GRM7: variants seen among roughly 807,000 people sequenced by gnomAD.
GRM7 encodes glutamate metabotropic receptor 7, also known as metabotropic glutamate receptor 7.
Under a neutral mutation model 84.5 loss-of-function variants are expected in GRM7, and 35 were observed. That is an observed-to-expected ratio of 0.41 (90% CI 0.32 to 0.55). GRM7 has a LOEUF of 0.55. Ranked by LOEUF, GRM7 falls within the 20% of genes least tolerant of loss-of-function variation. The pLI is 0.19. For synonymous variants in GRM7, 487 were observed against 455.1 expected, an observed-to-expected ratio of 1.07 and a Z score of -0.89; for missense variants, 1,003 against 1,194.6, an observed-to-expected ratio of 0.84 and a Z score of 2.36.
At chr3:7,217,666 A>G (rs568427250) in intron 2 of GRM7, among the ~76,000 whole-genome samples, 6 of 150,438 alleles carry the variant, frequency 4.0e-5, no homozygotes, top group South Asian at 2.1e-4. Context: ...TTCTGTCAGA[A>G]GGTATTTATA....
chr3:7,666,453 G>A lies in GRM7; in HGVS notation c.2452-13596G>A, dbSNP rs542816391. Among the ~76,000 whole-genome samples, 5 of 152,318 alleles carry A rather than the reference G, an allele frequency of 3.3e-5. No individual in the cohort carries two copies. The South Asian group carries it at 8.3e-4, about 25-fold the overall frequency. ...TGTCTTACATCAGACCACATAATCT[G>A]CTTTGCAGCTTCTACAAAGATCGTT... On this transcript the variant is annotated intron_variant, in intron 8 of 9. Coordinates refer to ENST00000357716, the MANE Select transcript of GRM7 (RefSeq NM_000844.4).
intron 1 of GRM7, among the ~76,000 whole-genome samples, chr3:7,022,216 A>C (rs563453990): frequency 2.0e-5 from 3 of 151,782 alleles, no homozygotes; most frequent in Non-Finnish European, 2.9e-5. Flanking sequence ...AGTCCCAGCT[A>C]CTCAGGAGCT....
chr3:7,405,321 G>A (rs1046714710), intron 4 of GRM7, among the ~76,000 whole-genome samples: 3 of 152,072 alleles, frequency 2.0e-5, no homozygotes, highest in Non-Finnish European at 2.9e-5. Context: ...TTAAGACTGA[G>A]TATTATGATT....
intron 4 of GRM7, among the ~76,000 whole-genome samples, chr3:7,318,844 G>A (rs933398159): frequency 4.6e-5 from 7 of 152,052 alleles, no homozygotes; most frequent in African/African-American, 1.4e-4. Context: ...ATTTGTCTGA[G>A]AAAATTACTT....
intron 4 of GRM7, among the ~76,000 whole-genome samples, chr3:7,368,500 T>C (rs895514908): frequency 6.6e-6 from 1 of 152,164 alleles, no homozygotes; most frequent in African/African-American, 2.4e-5. Flanking sequence ...TTCATTTTTT[T>C]CTATTGAAAA....
chr3:7,497,859 C>T (rs1699758350), intron 7 of GRM7, among the ~76,000 whole-genome samples: 1 of 152,148 alleles, frequency 6.6e-6, no homozygotes. Context: ...GCCCATATCA[C>T]AGGGTGACTG....
chr3:7,344,928 G>T (rs1575196424), intron 4 of GRM7, among the ~76,000 whole-genome samples: 1 of 152,214 alleles, frequency 6.6e-6, no homozygotes, highest in East Asian at 1.9e-4. Context: ...ATTTTTGAAT[G>T]TTCCCTATAC....
chr3:7,656,539 A>ACACG, intron 8 of GRM7, among the ~76,000 whole-genome samples: 1 of 67,692 alleles, frequency 1.5e-5, no homozygotes, highest in South Asian at 5.1e-4. Context: ...ATATATATAT[A>ACACG]CGCGCGCGCA....
chr3:7,671,460 T>C (rs992019825), intron 8 of GRM7, among the ~76,000 whole-genome samples: 2 of 151,992 alleles, frequency 1.3e-5, no homozygotes, highest in African/African-American at 2.4e-5. Flanking sequence ...CTCCAGAAAC[T>C]GATTTGCATT....
chr3:7,109,341 A>AG (rs1692763895), intron 1 of GRM7, among the ~76,000 whole-genome samples: 2 of 152,166 alleles, frequency 1.3e-5, no homozygotes, highest in African/African-American at 4.8e-5. Flanking sequence ...TAATTCTTAC[A>AG]GGTTATTTTA....
chr3:7,465,116 A>G (rs1034658455), intron 7 of GRM7, among the ~76,000 whole-genome samples: 8 of 152,194 alleles, frequency 5.3e-5, no homozygotes, highest in Non-Finnish European at 8.8e-5. Context: ...GTTTGAGTTT[A>G]TGCTAGCTAA....
intron 2 of GRM7, among the ~76,000 whole-genome samples, chr3:7,283,351 C>A (rs75505326): frequency 0.031 from 4,696 of 152,066 alleles, 142 homozygotes; most frequent in African/African-American, 0.077. Flanking sequence ...GTAGCTGATG[C>A]AAAGCCTGGC....
intron 8 of GRM7, among the ~76,000 whole-genome samples, chr3:7,631,488 T>A (rs759831527): frequency 2.0e-5 from 3 of 152,190 alleles, no homozygotes. Context: ...ATTCACTCAT[T>A]CATTCAGTAG....
intron 1 of GRM7, among the ~76,000 whole-genome samples, chr3:7,097,488 G>T (rs972275773): frequency 6.6e-6 from 1 of 152,076 alleles, no homozygotes; most frequent in Admixed American, 6.6e-5. Flanking sequence ...CTGTGGGGTG[G>T]AATCTAAATG....
intron 1 of GRM7, among the ~76,000 whole-genome samples, chr3:6,941,557 T>G (rs1697894797): frequency 6.6e-6 from 1 of 152,204 alleles, no homozygotes; most frequent in Admixed American, 6.5e-5. Context: ...TCTAATCGTG[T>G]GACTTAATTC....
rs115598913 is a variant in GRM7 at position 7,707,452 on chromosome 3, G to A, written c.2698+27157G>A. Among the ~76,000 whole-genome samples, 530 of 152,190 alleles carry A rather than the reference G, an allele frequency of 3.5e-3. 4 individuals are homozygous for A. Among genetic ancestry groups the A allele is most frequent in the African/African-American group, 0.012 (493 of 41,544 alleles). ...CTTCCTGTTTAGCATGACTGCCCACGTGTGCTTTGCCATTAATTACAATCG... is the reference window on the plus strand; with the variant it reads ...CTTCCTGTTTAGCATGACTGCCCACATGTGCTTTGCCATTAATTACAATCG... On this transcript the variant is annotated intron_variant, in intron 9 of 9. Transcript: ENST00000357716.
intron 4 of GRM7, among the ~76,000 whole-genome samples, chr3:7,412,264 C>G (rs960273636): frequency 8.5e-5 from 13 of 152,176 alleles, no homozygotes; most frequent in African/African-American, 3.1e-4. Flanking sequence ...ATGTTCTAAT[C>G]TCCAATACAT....
At chr3:7,303,521 T>A (rs1401555981) in intron 3 of GRM7, among the ~76,000 whole-genome samples, 1 of 152,152 alleles carries the variant, frequency 6.6e-6, no homozygotes, top group African/African-American at 2.4e-5. Flanking sequence ...AGGTTTTAAT[T>A]TGACAAAAAT....
chr3:7,083,515 T>C (rs754551391), intron 1 of GRM7, among the ~76,000 whole-genome samples: 3 of 152,108 alleles, frequency 2.0e-5, no homozygotes, highest in Non-Finnish European at 2.9e-5. Context: ...TACAATGCCA[T>C]ATAGTAATTA....
Sources: gnomAD v4.1 joint callset for allele counts (sites outside exome capture counted in the v4.1 genomes callset) on GRCh38, gnomAD v4.1.1 for gene constraint, MANE v1.5 for transcripts, NCBI Gene and HGNC (gene_info 2026-07-23, HGNC 2026-07-21) for gene names.